STXBP6: variants seen among roughly 807,000 people sequenced by gnomAD.
STXBP6 encodes the protein syntaxin binding protein 6, also known as syntaxin-binding protein 6.
A neutral mutation model predicts 26.9 loss-of-function variants in STXBP6; 21 were observed. The ratio of observed to expected loss-of-function variants is 0.78; its 90% CI spans 0.55 to 1.12. The LOEUF is 1.12. Ranked by LOEUF, STXBP6 falls within the 50% of genes most tolerant of loss-of-function variation. The pLI, the probability that STXBP6 is intolerant of heterozygous loss-of-function variation, is 0.00. For missense variants in STXBP6, 232 were observed against 257.9 expected (o/e 0.90, Z 0.69); for synonymous variants, 97 against 92.6 (o/e 1.05, Z -0.27).
At position 24,811,502 on chromosome 14, in the gene STXBP6, T is replaced by G. The variant is rs2067822906; in HGVS notation, c.*1207A>C. The G allele has an allele frequency of 6.6e-6, 1 of 152,132 alleles. No individual in the cohort carries two copies. The highest frequency in any genetic ancestry group is 1.5e-5 in the Non-Finnish European group (1 of 68,022). 9.4% of individuals were successfully genotyped at this position (152,132 alleles called of 1,614,324 possible). The stretch of plus-strand genomic sequence containing the variant: ...TCTAGGAAACAGAACTTCTAGACCC[T>G]AAGCCCCTTATTATCTTGAGTAATA... On this transcript the variant is annotated 3_prime_UTR_variant, in exon 6 of 6. Coordinates refer to ENST00000323944, the MANE Select transcript of STXBP6 (RefSeq NM_001394410.1).
At chr14:24,939,589 G>T (rs1365398145) in intron 2 of STXBP6, among the ~76,000 whole-genome samples, 3 of 151,798 alleles carry the variant, frequency 2.0e-5, no homozygotes, top group Admixed American at 1.3e-4. Context: ...TATGTTTGTT[G>T]AATTCGTATG....
intron 2 of STXBP6, among the ~76,000 whole-genome samples, chr14:24,930,904 GA>G (rs1412301787): frequency 6.7e-6 from 1 of 149,500 alleles, no homozygotes; most frequent in Admixed American, 6.6e-5. Flanking sequence ...GAGGTCAGGA[GA>G]TCGAGACCAT....
At chr14:24,837,492 G>C (rs77264227) in intron 4 of STXBP6, among the ~76,000 whole-genome samples, 1 of 152,054 alleles carries the variant, frequency 6.6e-6, no homozygotes, top group Non-Finnish European at 1.5e-5. Context: ...GTCAAAAGCA[G>C]GAAAAAAAAT....
At chr14:24,991,305 T>C (rs1294108074) in intron 1 of STXBP6, among the ~76,000 whole-genome samples, 1 of 152,232 alleles carries the variant, frequency 6.6e-6, no homozygotes, top group African/African-American at 2.4e-5. Flanking sequence ...AATGACCTGC[T>C]ATTACTTGCA....
At chr14:24,867,015 C>T (rs2480354) in intron 2 of STXBP6, among the ~76,000 whole-genome samples, 137,152 of 152,088 alleles carry the variant, frequency 0.9, 62,846 homozygotes, top group East Asian at 1. Flanking sequence ...GTTGTAAAAC[C>T]AAGTGTAATA....
intron 2 of STXBP6, among the ~76,000 whole-genome samples, chr14:24,971,527 C>T (rs955155339): frequency 6.6e-6 from 1 of 152,196 alleles, no homozygotes. Flanking sequence ...AGAATATTTT[C>T]ATTCCAGGGC....
At chr14:24,887,754 C>T (rs1235204621) in intron 2 of STXBP6, among the ~76,000 whole-genome samples, 3 of 152,202 alleles carry the variant, frequency 2.0e-5, no homozygotes, top group African/African-American at 7.2e-5. Context: ...AAACCCACCC[C>T]TCTCCCTGTG....
chr14:24,988,640 T>C (rs868054739), intron 1 of STXBP6, among the ~76,000 whole-genome samples: 1 of 152,220 alleles, frequency 6.6e-6, no homozygotes, highest in Non-Finnish European at 1.5e-5. Context: ...ACCTAGAACA[T>C]ATGCCTGCTC....
intron 2 of STXBP6, among the ~76,000 whole-genome samples, chr14:24,903,725 T>C (rs1439353439): frequency 6.6e-6 from 1 of 152,190 alleles, no homozygotes; most frequent in Non-Finnish European, 1.5e-5. Context: ...AAAAAGAATA[T>C]GAACTTAAAA....
intron 2 of STXBP6, among the ~76,000 whole-genome samples, chr14:24,912,520 A>C (rs1342286892): frequency 2.6e-5 from 4 of 152,168 alleles, no homozygotes; most frequent in Admixed American, 2.6e-4. Context: ...ACAATTTAAC[A>C]ACGTATAGGA....
chr14:24,856,551 C>T (rs768584232), intron 3 of STXBP6, among the ~76,000 whole-genome samples: 12 of 152,072 alleles, frequency 7.9e-5, no homozygotes, highest in Non-Finnish European at 1.5e-4. Flanking sequence ...ATGTGAGCAA[C>T]GGGAATGTAC....
At chr14:24,865,504 G>A (rs1177710646) in intron 2 of STXBP6, among the ~76,000 whole-genome samples, 1 of 152,152 alleles carries the variant, frequency 6.6e-6, no homozygotes, top group Non-Finnish European at 1.5e-5. Context: ...GCAGAGATTT[G>A]CCTATGACAA....
intron 2 of STXBP6, among the ~76,000 whole-genome samples, chr14:24,946,042 C>CAGAAAGCCTA (rs1476827788): frequency 6.6e-6 from 1 of 152,176 alleles, no homozygotes; most frequent in Non-Finnish European, 1.5e-5. Context: ...TGGCAATTAA[C>CAGAAAGCCTA]ACCTAACAGA....
intron 4 of STXBP6, among the ~76,000 whole-genome samples, chr14:24,842,345 A>G (rs1489394514): frequency 6.6e-6 from 1 of 152,236 alleles, no homozygotes; most frequent in African/African-American, 2.4e-5. Flanking sequence ...TCCCTATAGT[A>G]GCATGGAATT....
chr14:25,011,442 T>C (rs540340054), intron 1 of STXBP6, among the ~76,000 whole-genome samples: 11 of 152,204 alleles, frequency 7.2e-5, no homozygotes, highest in Non-Finnish European at 1.5e-4. Flanking sequence ...GGAAACACAC[T>C]TCCTTTTCTC....
chr14:24,936,036 T>G (rs1172929415), intron 2 of STXBP6, among the ~76,000 whole-genome samples: 2 of 152,200 alleles, frequency 1.3e-5, no homozygotes, highest in Non-Finnish European at 1.5e-5. Flanking sequence ...CAGTATAACT[T>G]TAGGTTGGCT....
intron 4 of STXBP6, among the ~76,000 whole-genome samples, chr14:24,844,528 A>G (rs1379567066): frequency 6.6e-6 from 1 of 152,200 alleles, no homozygotes; most frequent in Non-Finnish European, 1.5e-5. Context: ...TTAGTGCCAG[A>G]ACTGGATTAA....
At chr14:24,955,506 G>A (rs2073313245) in intron 2 of STXBP6, among the ~76,000 whole-genome samples, 1 of 152,196 alleles carries the variant, frequency 6.6e-6, no homozygotes, top group Non-Finnish European at 1.5e-5. Context: ...CAGACAGCTT[G>A]GAATATAAAT....
chr14:25,015,129 TC>T (rs1480727417), intron 1 of STXBP6, among the ~76,000 whole-genome samples: 2 of 152,168 alleles, frequency 1.3e-5, no homozygotes, highest in African/African-American at 4.8e-5. Context: ...AAAATTGAAT[TC>T]TAAAAGCAGT....
Sources: allele counts gnomAD v4.1 joint callset (sites outside exome capture counted in the v4.1 genomes callset), GRCh38; gene constraint gnomAD v4.1.1; transcripts MANE v1.5; gene names NCBI Gene and HGNC (gene_info 2026-07-23, HGNC 2026-07-21).